SREBF2: variants seen among roughly 807,000 people sequenced by gnomAD.
SREBF2 encodes sterol regulatory element-binding protein 2.
SREBF2 carries 55 observed loss-of-function variants against 113.1 expected under a neutral mutation model. The observed-to-expected ratio is 0.49, with a 90% CI of 0.39 to 0.61. The LOEUF is 0.61. SREBF2 is among the 20% of genes least tolerant of loss of function. The probability of loss-of-function intolerance (pLI) is 0.00; values close to 1 mark genes in which losing one functional copy is unlikely to be tolerated. For missense variants in SREBF2, 1,349 were observed against 1,487.4 expected (o/e 0.91, Z 1.53); for synonymous variants, 593 against 605.7 (o/e 0.98, Z 0.31).
rs773769166 is a variant in SREBF2 at position 41,880,836 on chromosome 22, C to T, written c.1882C>T (p.Leu628=). 6.2e-7 allele frequency: 1 copy of T among 1,614,188 alleles called. No individual in the cohort carries two copies. The highest frequency in any genetic ancestry group is 8.5e-7 in the Non-Finnish European group (1 of 1,180,038). ...CTCCTGGAACGTGATCCGCTACAGC[C>T]TGCAGAAGCTACGCCTGGTGCGCTG... ...SLSWNVIRYS[L]QKLRLVRWLL... The change falls in exon 10 of 19, where the codon CTG becomes TTG. Residue 628 remains leucine (L), a synonymous_variant. Coordinates refer to ENST00000361204, the MANE Select transcript of SREBF2 (RefSeq NM_004599.4).
chr22:41,898,828 C>T, intron 15 of SREBF2, 47 bp downstream of exon 15: 2 of 1,609,440 alleles, frequency 1.2e-6, no homozygotes, highest in East Asian at 2.2e-5. Context: ...CCAGGGGAAT[C>T]TTGTTTGAGT....
intron 1 of SREBF2, among the ~76,000 whole-genome samples, chr22:41,859,940 G>A (rs1241132912): frequency 1.3e-5 from 2 of 149,786 alleles, no homozygotes; most frequent in African/African-American, 4.9e-5. Flanking sequence ...CAAGTAGCTG[G>A]GACTACAGGC....
At chr22:41,846,761 CT>C (rs554701426) in intron 1 of SREBF2, among the ~76,000 whole-genome samples, 8 of 152,274 alleles carry the variant, frequency 5.3e-5, no homozygotes, top group African/African-American at 1.9e-4. Context: ...TTTATAAACC[CT>C]TTTCATCCGT....
At chr22:41,891,858 T>A (rs958049097) in intron 11 of SREBF2, among the ~76,000 whole-genome samples, 5 of 152,188 alleles carry the variant, frequency 3.3e-5, no homozygotes, top group African/African-American at 1.2e-4. Context: ...GTCATGGGTG[T>A]TAGTGTGAAA....
At chr22:41,859,542 G>A (rs1168957071) in intron 1 of SREBF2, among the ~76,000 whole-genome samples, 2 of 151,862 alleles carry the variant, frequency 1.3e-5, no homozygotes, top group African/African-American at 4.8e-5. Flanking sequence ...ATTGTTTCTG[G>A]ATGTATCTGA....
intron 1 of SREBF2, among the ~76,000 whole-genome samples, chr22:41,853,842 T>C (rs1329569371): frequency 4.1e-4 from 62 of 152,154 alleles, no homozygotes; most frequent in Admixed American, 3.9e-3. Flanking sequence ...AAGACCATCC[T>C]GGCTAACACG....
chr22:41,895,482 C>T (rs538652327), intron 13 of SREBF2, among the ~76,000 whole-genome samples: 1 of 129,216 alleles, frequency 7.7e-6, no homozygotes, highest in Admixed American at 8.6e-5. Context: ...GTTGCCCAGG[C>T]TGGAGTGCAA....
At chr22:41,878,354 G>A (rs1209143575) in intron 9 of SREBF2, among the ~76,000 whole-genome samples, 1 of 152,188 alleles carries the variant, frequency 6.6e-6, no homozygotes, top group African/African-American at 2.4e-5. Flanking sequence ...TGAGTTCTGA[G>A]GGAGGGGTTC....
chr22:41,836,660 T>C (rs2076778630), intron 1 of SREBF2, among the ~76,000 whole-genome samples: 1 of 152,252 alleles, frequency 6.6e-6, no homozygotes, highest in Non-Finnish European at 1.5e-5. Context: ...ATTTGTGGAA[T>C]GCCTGAGTGA....
chr22:41,871,805 A>G (rs1407718576), intron 4 of SREBF2, among the ~76,000 whole-genome samples: 3 of 151,364 alleles, frequency 2.0e-5, no homozygotes, highest in African/African-American at 7.3e-5. Context: ...AGGCTGAGGC[A>G]GGAGAATTGC....
At chr22:41,851,281 A>T (rs1251436694) in intron 1 of SREBF2, among the ~76,000 whole-genome samples, 1 of 152,138 alleles carries the variant, frequency 6.6e-6, no homozygotes, top group Non-Finnish European at 1.5e-5. Context: ...TTAAATATCA[A>T]TAGTGCAACC....
At chr22:41,850,776 T>A (rs1282912280) in intron 1 of SREBF2, among the ~76,000 whole-genome samples, 2 of 152,142 alleles carry the variant, frequency 1.3e-5, no homozygotes, top group East Asian at 3.8e-4. Context: ...AGATAGCCTC[T>A]GTCCCCTGGG....
At position 41,900,433 on chromosome 22, in the gene SREBF2, G is replaced by A; in HGVS notation, c.2842G>A (p.Ala948Thr). The A allele has an allele frequency of 6.2e-7, 1 of 1,613,900 alleles. No homozygotes were observed. Among genetic ancestry groups the A allele is most frequent in the Non-Finnish European group, 8.5e-7 (1 of 1,180,038 alleles). Residue 948 changes from alanine (A) to threonine (T), a missense_variant, in exon 16 of 19, where the codon GCC (alanine) becomes ACC (threonine). Transcript: ENST00000361204. ...GAGTTCCTTCTGCCATTGCGAGAGG[G>A]CCAGTGGCCACCTATGGAGCAGCCT... Reference protein sequence around the residue: ...QQSSFCHCERASGHLWSSLNV... With the variant: ...QQSSFCHCERTSGHLWSSLNV...
At chr22:41,891,776 C>T (rs560843134) in intron 11 of SREBF2, among the ~76,000 whole-genome samples, 1 of 152,338 alleles carries the variant, frequency 6.6e-6, no homozygotes, top group East Asian at 1.9e-4. Context: ...TATGCTTCTC[C>T]CTCCCTCCTG....
chr22:41,850,046 G>C (rs12168347), intron 1 of SREBF2, among the ~76,000 whole-genome samples: 2 of 151,604 alleles, frequency 1.3e-5, no homozygotes, highest in Admixed American at 6.6e-5. Context: ...AGGCTGAGGC[G>C]AGAGAATCGC....
intron 15 of SREBF2, chr22:41,899,351 G>A (rs576372604): frequency 4.9e-6 from 5 of 1,016,808 alleles, no homozygotes; most frequent in East Asian, 8.6e-5. Context: ...TCATGTCTGC[G>A]TCTTGGGGGC....
Position 41,871,050 on chromosome 22 carries a change from C to T in SREBF2, c.867+15C>T, listed in dbSNP as rs117064257. ...TTCAAGTACCAGTAAGAGCTGCCTT[C>T]TCCCCCACCCTCCTCCCTCCCCCTT... On this transcript the variant is annotated intron_variant, in intron 4 of 18. Coordinates refer to ENST00000361204, the MANE Select transcript of SREBF2 (RefSeq NM_004599.4). 3.8e-3 allele frequency: 6,061 copies of T among 1,613,932 alleles called. 12 individuals carry two copies. Among genetic ancestry groups the T allele is most frequent in the Non-Finnish European group, 4.5e-3 (5,264 of 1,179,942 alleles).
At chr22:41,864,098 C>T (rs2077048584) in intron 1 of SREBF2, among the ~76,000 whole-genome samples, 2 of 149,946 alleles carry the variant, frequency 1.3e-5, no homozygotes, top group East Asian at 2.0e-4. Context: ...AGGCTGGTCT[C>T]GAACTCCTGA....
At chr22:41,878,376 C>T (rs1031148929) in intron 9 of SREBF2, among the ~76,000 whole-genome samples, 7 of 152,012 alleles carry the variant, frequency 4.6e-5, no homozygotes, top group Admixed American at 3.9e-4. Context: ...AGGGCTTGAG[C>T]GGGGCTGCCA....
Sources: gnomAD v4.1 joint callset for allele counts (sites outside exome capture counted in the v4.1 genomes callset) on GRCh38, gnomAD v4.1.1 for gene constraint, MANE v1.5 for transcripts, NCBI Gene and HGNC (gene_info 2026-07-23, HGNC 2026-07-21) for gene names.